TRAPPC10: variants seen among roughly 807,000 people sequenced by gnomAD.
TRAPPC10 encodes trafficking protein particle complex subunit 10, also known as TRAPP 130 kDa subunit.
Under a neutral mutation model 125.5 loss-of-function variants are expected in TRAPPC10, and 23 were observed. That is an observed-to-expected ratio of 0.18 (90% CI 0.13 to 0.26). The LOEUF is 0.26. Ranked by LOEUF, TRAPPC10 falls within the 10% of genes least tolerant of loss-of-function variation. The pLI, the probability that TRAPPC10 is intolerant of heterozygous loss-of-function variation, is 1.00. For missense variants in TRAPPC10, 1,123 were observed against 1,308.4 expected, an observed-to-expected ratio of 0.86 and a Z score of 2.19; for synonymous variants, 509 against 518.0, an observed-to-expected ratio of 0.98 and a Z score of 0.24.
At chr21:44,056,165 G>A (rs1486699479) in intron 5 of TRAPPC10, among the ~76,000 whole-genome samples, 4 of 152,126 alleles carry the variant, frequency 2.6e-5, no homozygotes, top group Admixed American at 2.0e-4. Context: ...GGATAGAGTC[G>A]AGGTTTAACC....
Position 44,018,599 on chromosome 21 carries a change from T to TGAGGC in TRAPPC10, c.67+6040_67+6044dup, listed in dbSNP as rs1460441648. ...CTGTAGTCCCAGCTACTCGGGAGGT[T>TGAGGC]GAGGCAGGAGAATTGCTTGAATCTG... On this transcript the variant is annotated intron_variant, in intron 1 of 22. Transcript: ENST00000291574. Among the ~76,000 whole-genome samples the TGAGGC allele has an allele frequency of 3.3e-5, 5 of 150,954 alleles. No individual in the cohort carries two copies. In the East Asian group the frequency reaches 9.7e-4, roughly 29 times the overall value.
At chr21:44,036,535 C>A (rs922968526) in intron 2 of TRAPPC10, among the ~76,000 whole-genome samples, 6 of 152,220 alleles carry the variant, frequency 3.9e-5, no homozygotes, top group African/African-American at 1.4e-4. Context: ...TTCCTGTCTA[C>A]CCCAGAGTCC....
rs1000294119 is a variant in TRAPPC10, at chr21:44,062,909, T to C, written c.791-629T>C. ...ATAATGATTGATGGACTTGTTATTATACATTGTTATGCTTATTTTAAGATC... is the reference window on the plus strand; with the variant it reads ...ATAATGATTGATGGACTTGTTATTACACATTGTTATGCTTATTTTAAGATC... On this transcript the variant is annotated intron_variant, in intron 6 of 22. Transcript: ENST00000291574. 39 of 1,233,900 alleles carry C rather than the reference T, an allele frequency of 3.2e-5. 1 individual carries two copies. The South Asian group carries it at 4.7e-4, about 15-fold the overall frequency. The allele number at this position is 1,233,900 out of a possible 1,614,324, so 76.4% of individuals were successfully genotyped here.
chr21:44,072,770 A>G (rs1255343575), intron 7 of TRAPPC10, among the ~76,000 whole-genome samples: 1 of 152,032 alleles, frequency 6.6e-6, no homozygotes, highest in African/African-American at 2.4e-5. Context: ...GGCCTCTCCT[A>G]GGAGGTCTTT....
chr21:44,029,133 C>T (rs1001497410), intron 1 of TRAPPC10, among the ~76,000 whole-genome samples: 1 of 152,150 alleles, frequency 6.6e-6, no homozygotes, highest in East Asian at 1.9e-4. Context: ...CTCGCTCTGT[C>T]GCCCGGGCTG....
intron 4 of TRAPPC10, among the ~76,000 whole-genome samples, chr21:44,053,359 G>GC: frequency 6.6e-6 from 1 of 151,934 alleles, no homozygotes; most frequent in East Asian, 1.9e-4. Flanking sequence ...GTTTATACTT[G>GC]TTTTTTTCAC....
In TRAPPC10 at chr21:44,014,155, A is replaced by AT. The variant is rs149392231; in HGVS notation, c.67+1597dup. On this transcript the variant is annotated intron_variant, in intron 1 of 22. Coordinates refer to ENST00000291574, the MANE Select transcript of TRAPPC10 (RefSeq NM_003274.5). ...TCAATAGCAATATGTATTTATAGGC[A>AT]TTATGTAAATACATTTCTGAGGAGA... Among the ~76,000 whole-genome samples, 441 of 152,346 alleles carry AT rather than the reference A, an allele frequency of 2.9e-3. 4 individuals are homozygous for AT. The highest frequency in any genetic ancestry group is 9.9e-3 in the African/African-American group (413 of 41,566).
chr21:44,014,589 TTTTG>T (rs2031591760), intron 1 of TRAPPC10, among the ~76,000 whole-genome samples: 1 of 119,658 alleles, frequency 8.4e-6, no homozygotes. Flanking sequence ...GTTTGTTTGT[TTTTG>T]TTTTTTTTTT....
chr21:44,075,274 T>G, intron 9 of TRAPPC10, 121 bp downstream of exon 9: 1 of 684,374 alleles, frequency 1.5e-6, no homozygotes, highest in East Asian at 2.7e-5. Context: ...TTTGGAAAAT[T>G]ATACCCATTG....
chr21:44,036,107 G>A (rs2033961472), intron 2 of TRAPPC10, among the ~76,000 whole-genome samples: 1 of 152,166 alleles, frequency 6.6e-6, no homozygotes, highest in Non-Finnish European at 1.5e-5. Context: ...TGGCTGTCAA[G>A]CTTCTCCCAG....
chr21:44,073,232 A>G (rs2037013997), intron 7 of TRAPPC10, among the ~76,000 whole-genome samples: 1 of 152,064 alleles, frequency 6.6e-6, no homozygotes, highest in Non-Finnish European at 1.5e-5. Flanking sequence ...TGTTGGTTCC[A>G]GGTCCTTTAT....
chr21:44,089,671 A>G (rs2146190459), intron 17 of TRAPPC10, 162 bp from the exon 18 acceptor site: 5 of 643,724 alleles, frequency 7.8e-6, no homozygotes, highest in Middle Eastern at 5.0e-4. Flanking sequence ...TGGTTTGTGT[A>G]TGTGTTGGGT....
intron 1 of TRAPPC10, 112 bp from the exon 2 acceptor site, chr21:44,031,979 C>T (rs1426229366): frequency 4.8e-6 from 4 of 833,626 alleles, no homozygotes; most frequent in African/African-American, 3.4e-5. Flanking sequence ...CTTGCGATAT[C>T]GCTTTACTAA....
chr21:44,035,346 A>G (rs1172699659), intron 2 of TRAPPC10, among the ~76,000 whole-genome samples: 1 of 152,170 alleles, frequency 6.6e-6, no homozygotes, highest in Non-Finnish European at 1.5e-5. Context: ...TGAGCGCAAT[A>G]ACCTTCTGTT....
intron 1 of TRAPPC10, among the ~76,000 whole-genome samples, chr21:44,030,451 A>G (rs565327516): frequency 3.3e-5 from 5 of 151,902 alleles, no homozygotes; most frequent in Admixed American, 6.6e-5. Flanking sequence ...CTTTTCTTTT[A>G]TTGATGTCTT....
intron 1 of TRAPPC10, among the ~76,000 whole-genome samples, chr21:44,019,692 A>G (rs897617143): frequency 3.3e-5 from 5 of 152,154 alleles, no homozygotes; most frequent in South Asian, 2.1e-4. Flanking sequence ...AATTAAGTCT[A>G]CAAAGACCCC....
rs373151873 is a variant in TRAPPC10 at position 44,044,808 on chromosome 21, C to T, written c.285+6881C>T. On this transcript the variant is annotated intron_variant, in intron 3 of 22. Coordinates refer to ENST00000291574, the MANE Select transcript of TRAPPC10 (RefSeq NM_003274.5). ...CCTCTGAAGTAGCTGAGATTACAGGCGTCTGCCACCACGCCTGGCTAATTT... is the reference window on the plus strand; with the variant it reads ...CCTCTGAAGTAGCTGAGATTACAGGTGTCTGCCACCACGCCTGGCTAATTT... Among the ~76,000 whole-genome samples, 65 of 151,538 alleles carry T rather than the reference C, an allele frequency of 4.3e-4. 1 individual carries two copies. The highest frequency in any genetic ancestry group is 1.5e-3 in the African/African-American group (60 of 41,322).
chr21:44,092,210 G>C (rs376940493), intron 19 of TRAPPC10, among the ~76,000 whole-genome samples, 161 bp downstream of exon 19: 19 of 152,360 alleles, frequency 1.2e-4, no homozygotes, highest in African/African-American at 4.6e-4. Flanking sequence ...AGGCTGGATC[G>C]AGGCTTGCTC....
At position 44,082,808 on chromosome 21, in the gene TRAPPC10, A is replaced by T; in HGVS notation, c.1744A>T (p.Met582Leu). 6.2e-7 allele frequency: 1 copy of T among 1,613,776 alleles called. No homozygotes were observed. Among genetic ancestry groups the T allele is most frequent in the African/African-American group, 1.3e-5 (1 of 74,858 alleles). The change falls in exon 14 of 23, where the codon ATG becomes TTG. Residue 582 changes from methionine (M) to leucine (L), a missense_variant. Physicochemically the swap from Met to Leu is conservative, Grantham distance 15. Transcript: ENST00000291574. This position sits in a 1 kb window ranked among gnomAD's most constrained non-coding sequence, Gnocchi z 4.4. Reference sequence around the variant, plus strand: ...TACAGGTCATAAGATAGTGCTACCCATGCATTCCTTTGCACAACTGCGAGA... The same window carrying T: ...TACAGGTCATAAGATAGTGCTACCCTTGCATTCCTTTGCACAACTGCGAGA... ...DSPGHKIVLP[M>L]HSFAQLRDLH...
Sources: allele counts gnomAD v4.1 joint callset (sites outside exome capture counted in the v4.1 genomes callset), GRCh38; gene constraint gnomAD v4.1.1; non-coding constraint Gnocchi (gnomAD v3.1); transcripts MANE v1.5; gene names NCBI Gene and HGNC (gene_info 2026-07-23, HGNC 2026-07-21).